The following NUP205 variants were observed in gnomAD, a reference collection of about 807,000 sequenced individuals.
NUP205 encodes nuclear pore complex protein Nup205.
NUP205 carries 76 observed loss-of-function variants against 253.8 expected under a neutral mutation model. That is an observed-to-expected ratio of 0.30 (90% CI 0.25 to 0.36). NUP205 has a LOEUF of 0.36. NUP205 is among the 10% of genes least tolerant of loss of function. NUP205 has a pLI of 1.00. For synonymous variants in NUP205, 832 were observed against 850.1 expected, an observed-to-expected ratio of 0.98 and a Z score of 0.37; for missense variants, 2,162 against 2,425.5, an observed-to-expected ratio of 0.89 and a Z score of 2.28.
chr7:135,567,120 CTATGTG>C (rs1481637465), intron 1 of NUP205, among the ~76,000 whole-genome samples: 2 of 53,852 alleles, frequency 3.7e-5, no homozygotes, highest in Non-Finnish European at 7.0e-5. Flanking sequence ...CTTGCTCAGT[CTATGTG>C]TGTATATATA....
intron 1 of NUP205, 43 bp downstream of exon 1, chr7:135,558,015 C>T: frequency 6.4e-7 from 1 of 1,555,010 alleles, no homozygotes; most frequent in South Asian, 1.1e-5. Flanking sequence ...TGAGCGATAA[C>T]CAGGTCTTCA....
chr7:135,593,588 A>G (rs771893409), intron 12 of NUP205, among the ~76,000 whole-genome samples: 3 of 152,190 alleles, frequency 2.0e-5, no homozygotes, highest in South Asian at 2.1e-4. Flanking sequence ...CCTTATACCA[A>G]ACCATTTTAT....
At position 135,606,826 on chromosome 7, in the gene NUP205, C is replaced by G. The variant is rs753430887; in HGVS notation, c.2981C>G (p.Ser994Cys). Residue 994 changes from serine to cysteine, a missense_variant, in exon 21 of 43, where the codon TCT becomes TGT. Transcript: ENST00000285968. ...RIHILNLLITSLECNPPNLAL... is the reference protein window; with the variant it reads ...RIHILNLLITCLECNPPNLAL... ...CACATCTTGAATCTTCTCATTACCT[C>G]TCTGGAATGCAATCCACCCAATCTT... is the stretch of plus-strand genomic sequence containing the variant. 2 of 1,613,344 alleles carry G rather than the reference C, an allele frequency of 1.2e-6. No individual in the cohort carries two copies. The highest frequency in any genetic ancestry group is 1.7e-6 in the Non-Finnish European group (2 of 1,179,428).
At position 135,600,952 on chromosome 7, in the gene NUP205, A is replaced by C. The variant is rs781475902; in HGVS notation, c.2357A>C (p.Gln786Pro). The C allele has an allele frequency of 9.4e-6, 15 of 1,601,302 alleles. No individual in the cohort carries two copies. Among genetic ancestry groups the C allele is most frequent in the Non-Finnish European group, 1.7e-6 (2 of 1,169,528 alleles). Residue 786 changes from glutamine (Q) to proline (P), a missense_variant, in exon 16 of 43, where the codon CAG becomes CCG. Coordinates refer to ENST00000285968, the MANE Select transcript of NUP205 (RefSeq NM_015135.3). ...CCTCAGCTTGAAGATTTTGTAGACCAGTTTGTGGAACTACAAGGTAATTTA... is the reference window on the plus strand; with the variant it reads ...CCTCAGCTTGAAGATTTTGTAGACCCGTTTGTGGAACTACAAGGTAATTTA... ...YEPQLEDFVD[Q>P]FVELQGEEII... is the part of the protein sequence containing the mutation.
At chr7:135,579,394 A>G (rs924136883) in intron 7 of NUP205, among the ~76,000 whole-genome samples, 5 of 151,962 alleles carry the variant, frequency 3.3e-5, no homozygotes, top group Admixed American at 6.6e-5. Context: ...GGGTTTCTCC[A>G]TGTTGGTCAG....
At chr7:135,641,749 C>T (rs896964467) in intron 38 of NUP205, among the ~76,000 whole-genome samples, 2 of 118,994 alleles carry the variant, frequency 1.7e-5, no homozygotes, top group African/African-American at 6.1e-5. Context: ...GCAGTGATCC[C>T]TATTTGTGCC....
intron 1 of NUP205, among the ~76,000 whole-genome samples, chr7:135,567,640 G>A (rs559330117): frequency 1.0e-3 from 155 of 151,736 alleles, no homozygotes; most frequent in Middle Eastern, 6.8e-3. Flanking sequence ...ATTACATTGC[G>A]TCATCTGACG....
rs538242383 is a variant in NUP205, at chr7:135,576,120, T to G, written c.344-150T>G. 4 of 523,918 alleles carry G rather than the reference T, an allele frequency of 7.6e-6. No homozygotes were observed. The East Asian group carries it at 1.3e-4, about 17-fold the overall frequency. The allele number at this position is 523,918 out of a possible 1,614,324, so 32.5% of individuals were successfully genotyped here. ...ATATGTTGAGCAAGAAGTTAGACAG[T>G]GGATGGATGTTTGTAGTAGAGGACC... On this transcript the variant is annotated intron_variant, in intron 3 of 42. Transcript: ENST00000285968.
At chr7:135,574,667 A>G (rs887968276) in intron 3 of NUP205, among the ~76,000 whole-genome samples, 3 of 152,168 alleles carry the variant, frequency 2.0e-5, no homozygotes, top group Admixed American at 1.3e-4. Context: ...ATGATAATGA[A>G]AGGTATTTGG....
chr7:135,604,585 A>G (rs1794045988), intron 19 of NUP205, 125 bp downstream of exon 19: 2 of 936,564 alleles, frequency 2.1e-6, no homozygotes, highest in South Asian at 1.7e-5. Context: ...GAGTAAGTAT[A>G]TTTGTATAGG....
chr7:135,643,463 A>T, intron 39 of NUP205, 105 bp downstream of exon 39: 1 of 788,938 alleles, frequency 1.3e-6, no homozygotes, highest in Non-Finnish European at 1.9e-6. Flanking sequence ...GACTGAAGGA[A>T]TTGGAATGAT....
intron 34 of NUP205, among the ~76,000 whole-genome samples, chr7:135,629,499 C>CTCTCTG (rs1554466929): frequency 1.5e-5 from 2 of 135,104 alleles, no homozygotes; most frequent in Non-Finnish European, 3.2e-5. Context: ...CTCTCTCTCT[C>CTCTCTG]TCTCTCTCTC....
intron 22 of NUP205, among the ~76,000 whole-genome samples, chr7:135,607,943 A>G (rs1794123135): frequency 6.6e-6 from 1 of 150,996 alleles, no homozygotes; most frequent in African/African-American, 2.4e-5. Context: ...CTGGGACTAT[A>G]TGTGTGTCCC....
At position 135,593,212 on chromosome 7, in the gene NUP205, C is replaced by A; in HGVS notation, c.1830+20C>A. 2 of 1,601,844 alleles carry A rather than the reference C, an allele frequency of 1.2e-6. No individual in the cohort carries two copies. The stretch of plus-strand genomic sequence containing the variant: ...ACTTGGGTAGGTAACTCATCCCCAG[C>A]ATAATTTTATTTTTATTATAGCACA... On this transcript the variant is annotated intron_variant, in intron 12 of 42. Coordinates refer to ENST00000285968, the MANE Select transcript of NUP205 (RefSeq NM_015135.3).
At position 135,573,779 on chromosome 7, in the gene NUP205, C is replaced by A; in HGVS notation, c.297C>A (p.Asp99Glu). 6.2e-7 allele frequency: 1 copy of A among 1,613,566 alleles called. No homozygotes were observed. The highest frequency in any genetic ancestry group is 8.5e-7 in the Non-Finnish European group (1 of 1,179,826). ...TTAAAGAAGCCTTTATTCTCAGTGA[C>A]CTTTTTGATATTGGAGAATTGGCAG... The part of the protein sequence containing the change: ...QLIKEAFILS[D>E]LFDIGELAAV... Residue 99 changes from aspartate (D) to glutamate (E), a missense_variant, in exon 3 of 43, where the codon GAC (aspartate) becomes GAA (glutamate). Asp to Glu is a conservative substitution (Grantham distance 45). Transcript: ENST00000285968.
At chr7:135,563,435 G>A (rs1377702079) in intron 1 of NUP205, among the ~76,000 whole-genome samples, 1 of 152,002 alleles carries the variant, frequency 6.6e-6, no homozygotes, top group Non-Finnish European at 1.5e-5. Flanking sequence ...GATGTGGCCC[G>A]CCTTGGCCTC....
At chr7:135,646,302 T>C (rs931075004) in intron 42 of NUP205, 71 bp downstream of exon 42, 31 of 1,104,822 alleles carry the variant, frequency 2.8e-5, no homozygotes, top group Non-Finnish European at 4.1e-5. Context: ...ATGGTACACA[T>C]CTGTAATCCC....
intron 1 of NUP205, among the ~76,000 whole-genome samples, chr7:135,570,044 T>TAGAG (rs1390235521): frequency 5.9e-5 from 6 of 101,862 alleles, no homozygotes; most frequent in Non-Finnish European, 1.1e-4. Flanking sequence ...TATATATATA[T>TAGAG]ATATATATAG....
chr7:135,639,783 C>T (rs545116774), intron 38 of NUP205, among the ~76,000 whole-genome samples: 8 of 151,906 alleles, frequency 5.3e-5, no homozygotes, highest in African/African-American at 1.9e-4. Flanking sequence ...GCACTATTTA[C>T]AATAGCAAAG....
Sources: gnomAD v4.1 joint callset for allele counts (sites outside exome capture counted in the v4.1 genomes callset) on GRCh38, gnomAD v4.1.1 for gene constraint, MANE v1.5 for transcripts, NCBI Gene and HGNC (gene_info 2026-07-23, HGNC 2026-07-21) for gene names.